The following ANO4 variants were observed in gnomAD, a reference collection of about 807,000 sequenced individuals.
ANO4 encodes the protein anoctamin-4.
ANO4 carries 69 observed loss-of-function variants against 141.9 expected under a neutral mutation model. That is an observed-to-expected ratio of 0.49 (90% CI 0.40 to 0.59). ANO4 has a LOEUF of 0.59. Ranked by LOEUF, ANO4 falls within the 20% of genes least tolerant of loss-of-function variation. ANO4 has a pLI of 0.00. For missense variants in ANO4, 894 were observed against 1,162.2 expected, an observed-to-expected ratio of 0.77 and a Z score of 3.36; for synonymous variants, 350 against 394.3, an observed-to-expected ratio of 0.89 and a Z score of 1.33.
chr12:101,016,428 C>T (rs986685937), intron 8 of ANO4, among the ~76,000 whole-genome samples: 5 of 152,058 alleles, frequency 3.3e-5, no homozygotes, highest in African/African-American at 7.2e-5. Context: ...TTACCATGGG[C>T]GTAACACCAA....
At chr12:100,773,767 A>G (rs1157564692) in intron 3 of ANO4, among the ~76,000 whole-genome samples, 1 of 152,236 alleles carries the variant, frequency 6.6e-6, no homozygotes, top group East Asian at 1.9e-4. Context: ...TAAAACATAA[A>G]TGTACACTAT....
chr12:100,748,625 A>G (rs1054451657), intron 3 of ANO4, among the ~76,000 whole-genome samples: 2 of 152,196 alleles, frequency 1.3e-5, no homozygotes, highest in South Asian at 2.1e-4. Context: ...CATTCTGACA[A>G]TTTCTTTTAA....
intron 1 of ANO4, among the ~76,000 whole-genome samples, chr12:100,839,778 A>G (rs530905218): frequency 1.3e-5 from 2 of 152,230 alleles, no homozygotes; most frequent in East Asian, 3.9e-4. Flanking sequence ...TTAGTGTGGC[A>G]AAAAATAAGA....
At chr12:101,043,045 C>A (rs146739343) in intron 12 of ANO4, among the ~76,000 whole-genome samples, 4 of 152,166 alleles carry the variant, frequency 2.6e-5, no homozygotes, top group Non-Finnish European at 4.4e-5. Context: ...CTTCCACCTA[C>A]GAAAACATTT....
intron 9 of ANO4, among the ~76,000 whole-genome samples, chr12:101,035,161 G>T (rs994344551): frequency 6.6e-6 from 1 of 152,114 alleles, no homozygotes; most frequent in Non-Finnish European, 1.5e-5. Context: ...CTATCATCAG[G>T]AGAATAGATA....
At chr12:100,890,043 AATC>A (rs1196372830) in intron 1 of ANO4, among the ~76,000 whole-genome samples, 5 of 152,204 alleles carry the variant, frequency 3.3e-5, no homozygotes, top group Non-Finnish European at 5.9e-5. Context: ...ATATTACTAT[AATC>A]ATAATTATTA....
intron 1 of ANO4, among the ~76,000 whole-genome samples, chr12:100,863,556 A>G (rs1346936502): frequency 6.6e-6 from 1 of 152,178 alleles, no homozygotes; most frequent in Admixed American, 6.5e-5. Context: ...TATATAGTTG[A>G]GAGGTCTCTG....
At chr12:100,884,889 T>A (rs2039754442) in intron 1 of ANO4, among the ~76,000 whole-genome samples, 1 of 152,174 alleles carries the variant, frequency 6.6e-6, no homozygotes. Flanking sequence ...GAGGTGGGGT[T>A]TCACCATGTT....
At chr12:101,046,862 A>G (rs1446571797) in intron 13 of ANO4, among the ~76,000 whole-genome samples, 1 of 152,218 alleles carries the variant, frequency 6.6e-6, no homozygotes, top group Admixed American at 6.5e-5. Flanking sequence ...AATGGAAGAC[A>G]GATGATCTGG....
chr12:100,942,293 T>C, intron 4 of ANO4, 84 bp from the exon 5 acceptor site: 2 of 1,487,788 alleles, frequency 1.3e-6, no homozygotes, highest in Non-Finnish European at 1.8e-6. Context: ...AAAAGTTATT[T>C]AGTTTTAATT....
chr12:100,763,065 A>G (rs746501463), intron 3 of ANO4, among the ~76,000 whole-genome samples: 1 of 152,238 alleles, frequency 6.6e-6, no homozygotes, highest in Non-Finnish European at 1.5e-5. Flanking sequence ...ATGGGTGAGC[A>G]GGGATTTGAA....
intron 3 of ANO4, among the ~76,000 whole-genome samples, chr12:100,744,229 A>G (rs1352350983): frequency 1.3e-5 from 2 of 152,176 alleles, no homozygotes; most frequent in East Asian, 1.9e-4. Flanking sequence ...AGTTGAATTT[A>G]TTATTCTATT....
At chr12:101,081,852 T>C (rs1478223900) in intron 15 of ANO4, among the ~76,000 whole-genome samples, 1 of 152,144 alleles carries the variant, frequency 6.6e-6, no homozygotes, top group Non-Finnish European at 1.5e-5. Context: ...TCCCCCTGGG[T>C]GTCTCTGTGT....
At chr12:101,077,600 A>G (rs1375129831) in intron 14 of ANO4, among the ~76,000 whole-genome samples, 1 of 152,186 alleles carries the variant, frequency 6.6e-6, no homozygotes, top group East Asian at 1.9e-4. Flanking sequence ...ACTACTCAGA[A>G]TCTTTCAGAT....
rs183163687 is a variant in ANO4, at chr12:100,926,875, G to C, written c.160+4545G>C. 7.0e-4 allele frequency among the ~76,000 whole-genome samples: 106 copies of C among 152,152 alleles called. 1 individual carries two copies. In the East Asian group the frequency reaches 0.017, roughly 25 times the overall value. ...TTCTGGTAGGGGGAATGGAAAGGGA[G>C]GGAATGGCTATGTTGCATGCCTGGG... On this transcript the variant is annotated intron_variant, in intron 3 of 27. Coordinates refer to ENST00000392977, the MANE Select transcript of ANO4 (RefSeq NM_001286615.2).
intron 16 of ANO4, among the ~76,000 whole-genome samples, chr12:101,084,422 T>TA (rs1191748348): frequency 3.3e-5 from 5 of 152,188 alleles, no homozygotes; most frequent in Admixed American, 6.5e-5. Flanking sequence ...TCTTAGTAAT[T>TA]AACTTTAACA....
intron 16 of ANO4, 137 bp from the exon 17 acceptor site, chr12:101,086,523 G>A: frequency 2.4e-6 from 2 of 844,570 alleles, no homozygotes; most frequent in Non-Finnish European, 3.8e-6. Context: ...TGAAAAGTAT[G>A]CATTTGATTG....
At chr12:100,993,065 T>C (rs1404864555) in intron 8 of ANO4, among the ~76,000 whole-genome samples, 1 of 152,130 alleles carries the variant, frequency 6.6e-6, no homozygotes, top group East Asian at 1.9e-4. Context: ...GGTGCATGCC[T>C]GTAGTCCCAG....
At chr12:100,969,270 C>T (rs1436231069) in intron 5 of ANO4, among the ~76,000 whole-genome samples, 2 of 152,284 alleles carry the variant, frequency 1.3e-5, no homozygotes, top group Middle Eastern at 3.4e-3. Flanking sequence ...CAGAAATATT[C>T]CTTGTTCTCA....
Sources: allele counts gnomAD v4.1 joint callset (sites outside exome capture counted in the v4.1 genomes callset), GRCh38; gene constraint gnomAD v4.1.1; transcripts MANE v1.5; gene names NCBI Gene and HGNC (gene_info 2026-07-23, HGNC 2026-07-21).